FILIP1L: variants seen among roughly 807,000 people sequenced by gnomAD.
The protein encoded by FILIP1L is filamin A interacting protein 1 like, also known as filamin A-interacting protein 1-like.
In FILIP1L, 55 loss-of-function variants were observed where a neutral mutation model predicts 96.6. The ratio of observed to expected loss-of-function variants is 0.57; its 90% CI spans 0.46 to 0.71. The LOEUF (loss-of-function observed/expected upper bound fraction) is 0.71. Ranked by LOEUF, FILIP1L falls within the 30% of genes least tolerant of loss-of-function variation. The pLI, the probability that FILIP1L is intolerant of heterozygous loss-of-function variation, is 0.00. For missense variants in FILIP1L, 1,304 were observed against 1,321.2 expected (o/e 0.99, Z 0.20); for synonymous variants, 467 against 473.9 (o/e 0.99, Z 0.19).
At chr3:100,035,373 A>G (rs568714213) in intron 1 of FILIP1L, among the ~76,000 whole-genome samples, 1 of 152,260 alleles carries the variant, frequency 6.6e-6, no homozygotes, top group East Asian at 1.9e-4. Flanking sequence ...TCCTGGGTTC[A>G]AGCAATTCTC....
At chr3:99,904,057 A>G (rs1033653913) in intron 4 of FILIP1L, among the ~76,000 whole-genome samples, 3 of 152,220 alleles carry the variant, frequency 2.0e-5, no homozygotes, top group African/African-American at 7.2e-5. Flanking sequence ...CCTATTTCAG[A>G]ATCTGATTGG....
intron 1 of FILIP1L, among the ~76,000 whole-genome samples, chr3:100,047,018 G>A (rs1257747138): frequency 2.0e-5 from 3 of 152,170 alleles, no homozygotes; most frequent in Non-Finnish European, 2.9e-5. Context: ...CAGTGCTCCC[G>A]ACTTGAGTTT....
intron 1 of FILIP1L, among the ~76,000 whole-genome samples, chr3:99,965,998 T>C (rs1708640138): frequency 6.6e-6 from 1 of 152,218 alleles, no homozygotes. Flanking sequence ...TCTCATTTGC[T>C]GCCTCTGGGT....
intron 1 of FILIP1L, among the ~76,000 whole-genome samples, chr3:100,100,898 A>G (rs1268836135): frequency 6.6e-6 from 1 of 152,186 alleles, no homozygotes; most frequent in South Asian, 2.1e-4. Flanking sequence ...TGATTCTTCC[A>G]TTCCTGGTGG....
At chr3:99,934,549 C>A (rs887103411) in intron 1 of FILIP1L, among the ~76,000 whole-genome samples, 1 of 152,164 alleles carries the variant, frequency 6.6e-6, no homozygotes, top group African/African-American at 2.4e-5. Flanking sequence ...ATGAGAATTT[C>A]TCTGCCCTCA....
intron 1 of FILIP1L, among the ~76,000 whole-genome samples, chr3:99,959,807 T>G (rs191978268): frequency 6.6e-6 from 1 of 152,228 alleles, no homozygotes; most frequent in African/African-American, 2.4e-5. Context: ...ATTGTACTAA[T>G]GTAATTTTTT....
At chr3:100,028,574 T>A (rs1014879956) in intron 1 of FILIP1L, among the ~76,000 whole-genome samples, 1 of 152,178 alleles carries the variant, frequency 6.6e-6, no homozygotes, top group African/African-American at 2.4e-5. Context: ...AATTTTTCAT[T>A]ATTTTTTAAA....
chr3:100,048,878 T>C (rs1490353789), intron 1 of FILIP1L, among the ~76,000 whole-genome samples: 1 of 152,220 alleles, frequency 6.6e-6, no homozygotes, highest in East Asian at 1.9e-4. Context: ...GTTGATATGA[T>C]GGCCTAGACT....
chr3:99,928,780 T>C (rs1168927520), intron 3 of FILIP1L, among the ~76,000 whole-genome samples: 1 of 152,216 alleles, frequency 6.6e-6, no homozygotes, highest in African/African-American at 2.4e-5. Flanking sequence ...ATAGTTAATA[T>C]GTTGGGAGCC....
intron 1 of FILIP1L, among the ~76,000 whole-genome samples, chr3:100,050,571 G>T (rs771794993): frequency 6.6e-6 from 1 of 151,994 alleles, no homozygotes; most frequent in Non-Finnish European, 1.5e-5. Flanking sequence ...TCGCTCTATT[G>T]CCCAGGCTGG....
At position 99,917,988 on chromosome 3, in the gene FILIP1L, T is replaced by G. The variant is rs759333790; in HGVS notation, c.605+6242A>C. Reference sequence around the variant, plus strand: ...TTGTTTTTTGTTTTGTTTTGTTTTGTTTTTTTTGAGACAGATTCTTGCTCT... The same window carrying G: ...TTGTTTTTTGTTTTGTTTTGTTTTGGTTTTTTTGAGACAGATTCTTGCTCT... On this transcript the variant is annotated intron_variant, in intron 4 of 5. Coordinates refer to ENST00000477258, the MANE Select transcript of FILIP1L (RefSeq NM_001387850.1). Among the ~76,000 whole-genome samples, 6 of 151,822 alleles carry G rather than the reference T, an allele frequency of 4.0e-5. No individual in the cohort carries two copies. In the East Asian group the frequency reaches 5.8e-4, roughly 15 times the overall value.
At chr3:100,076,108 CA>C (rs770321284) in intron 1 of FILIP1L, among the ~76,000 whole-genome samples, 3 of 152,154 alleles carry the variant, frequency 2.0e-5, no homozygotes, top group Non-Finnish European at 2.9e-5. Context: ...TTTCATCTGC[CA>C]TATGTATAAT....
intron 1 of FILIP1L, among the ~76,000 whole-genome samples, chr3:99,957,147 A>C (rs1708343053): frequency 6.6e-6 from 1 of 152,248 alleles, no homozygotes; most frequent in Admixed American, 6.5e-5. Flanking sequence ...TACAGCAAAA[A>C]AAATACTGTA....
chr3:100,101,796 G>A (rs897676777), intron 1 of FILIP1L, among the ~76,000 whole-genome samples: 1 of 151,948 alleles, frequency 6.6e-6, no homozygotes, highest in African/African-American at 2.4e-5. Flanking sequence ...ACAGGCCCCA[G>A]TGTGTGATGT....
intron 1 of FILIP1L, among the ~76,000 whole-genome samples, chr3:99,950,938 G>C (rs1708158429): frequency 6.6e-6 from 1 of 152,156 alleles, no homozygotes; most frequent in South Asian, 2.1e-4. Context: ...GTCACCCAGG[G>C]ATTATTGGGT....
intron 1 of FILIP1L, among the ~76,000 whole-genome samples, chr3:100,092,433 T>TA (rs955377741): frequency 2.0e-5 from 3 of 151,994 alleles, no homozygotes; most frequent in African/African-American, 7.3e-5. Context: ...GGCTTTTTTT[T>TA]AACATGGAAA....
intron 4 of FILIP1L, among the ~76,000 whole-genome samples, chr3:99,864,654 C>T (rs1288208413): frequency 6.6e-6 from 1 of 152,016 alleles, no homozygotes; most frequent in South Asian, 2.1e-4. Flanking sequence ...CTTTCTGCTC[C>T]ACCCACTTGG....
intron 1 of FILIP1L, among the ~76,000 whole-genome samples, chr3:100,004,190 A>G (rs1258915491): frequency 6.6e-6 from 1 of 152,120 alleles, no homozygotes; most frequent in Non-Finnish European, 1.5e-5. Flanking sequence ...CCCCTTACAT[A>G]TTCTCCAAGA....
At chr3:99,993,440 T>G (rs941545628) in intron 1 of FILIP1L, among the ~76,000 whole-genome samples, 6 of 152,004 alleles carry the variant, frequency 3.9e-5, no homozygotes, top group Non-Finnish European at 5.9e-5. Flanking sequence ...AAATTTGTCT[T>G]CCTCTTTTCC....
Sources: gnomAD v4.1 joint callset for allele counts (sites outside exome capture counted in the v4.1 genomes callset) on GRCh38, gnomAD v4.1.1 for gene constraint, MANE v1.5 for transcripts, NCBI Gene and HGNC (gene_info 2026-07-23, HGNC 2026-07-21) for gene names.